The following CCSER1 variants were observed in gnomAD, a reference collection of about 807,000 sequenced individuals.
CCSER1 encodes serine-rich coiled-coil domain-containing protein 1.
Under a neutral mutation model 82.0 loss-of-function variants are expected in CCSER1, and 41 were observed. The ratio of observed to expected loss-of-function variants is 0.50; its 90% CI spans 0.39 to 0.65. CCSER1 has a LOEUF of 0.65. Among genes scored for constraint, CCSER1 ranks in the 30% least tolerant of loss-of-function variants. CCSER1 has a pLI of 0.00. For synonymous variants in CCSER1, 414 were observed against 383.9 expected, an observed-to-expected ratio of 1.08 and a Z score of -0.92; for missense variants, 1,119 against 1,064.2, an observed-to-expected ratio of 1.05 and a Z score of -0.72.
chr4:91,335,141 AT>A (rs1747232781), intron 10 of CCSER1, among the ~76,000 whole-genome samples: 1 of 152,000 alleles, frequency 6.6e-6, no homozygotes, highest in Admixed American at 6.6e-5. Flanking sequence ...CTCTTTATAG[AT>A]TGTTCGTGTT....
chr4:90,766,774 A>G (rs1751306068), intron 7 of CCSER1, among the ~76,000 whole-genome samples: 1 of 152,162 alleles, frequency 6.6e-6, no homozygotes, highest in African/African-American at 2.4e-5. Context: ...CTATATTCAC[A>G]CATTTTGGCA....
At chr4:90,761,760 G>T (rs918976951) in intron 7 of CCSER1, among the ~76,000 whole-genome samples, 1 of 152,072 alleles carries the variant, frequency 6.6e-6, no homozygotes, top group African/African-American at 2.4e-5. Flanking sequence ...TTAAATAACT[G>T]AATTTAAATG....
intron 9 of CCSER1, among the ~76,000 whole-genome samples, chr4:90,958,886 CCTT>C (rs1315987311): frequency 3.9e-5 from 6 of 152,096 alleles, no homozygotes; most frequent in African/African-American, 9.7e-5. Flanking sequence ...CAGATACCAT[CCTT>C]CTTCTGTCTC....
intron 1 of CCSER1, among the ~76,000 whole-genome samples, chr4:90,176,953 A>G (rs1180392525): frequency 6.6e-6 from 1 of 152,118 alleles, no homozygotes; most frequent in African/African-American, 2.4e-5. Flanking sequence ...TACATGAGTT[A>G]GCATTACACT....
chr4:90,228,290 T>G (rs971340370), intron 1 of CCSER1, among the ~76,000 whole-genome samples: 5 of 152,176 alleles, frequency 3.3e-5, no homozygotes, highest in African/African-American at 7.2e-5. Flanking sequence ...ACGGGCAGAC[T>G]GCCTCCTCAA....
chr4:91,284,662 C>T (rs989668819), intron 10 of CCSER1, among the ~76,000 whole-genome samples: 38 of 152,148 alleles, frequency 2.5e-4, no homozygotes, highest in African/African-American at 7.5e-4. Context: ...CACCAGCATC[C>T]GTCAGATAAT....
chr4:90,725,810 A>G (rs1743527851), intron 7 of CCSER1, among the ~76,000 whole-genome samples: 3 of 151,908 alleles, frequency 2.0e-5, no homozygotes, highest in Admixed American at 1.3e-4. Context: ...AAGTTTTCTT[A>G]TAACCACATT....
intron 10 of CCSER1, among the ~76,000 whole-genome samples, chr4:91,567,577 A>G (rs1317383084): frequency 6.6e-6 from 1 of 152,084 alleles, no homozygotes; most frequent in East Asian, 1.9e-4. Flanking sequence ...TTGTGTGCAT[A>G]TATATTTAAT....
chr4:90,591,690 A>G (rs12640453), intron 5 of CCSER1, among the ~76,000 whole-genome samples: 39,163 of 152,040 alleles, frequency 0.26, 5,387 homozygotes, highest in East Asian at 0.55. Flanking sequence ...CTGGGTATAC[A>G]CCCAAAGGGT....
rs111529571 is a variant in CCSER1, at chr4:90,565,713, T to G, written c.1725-62312T>G. Among the ~76,000 whole-genome samples the G allele has an allele frequency of 4.9e-3, 741 of 152,362 alleles. 9 individuals carry two copies. Among genetic ancestry groups the G allele is most frequent in the African/African-American group, 0.017 (709 of 41,582 alleles). ...CCTAACTTGTTGAGAGTTTTTATGG[T>G]GAAAATATTTTGAATTTTATCAAAT... On this transcript the variant is annotated intron_variant, in intron 5 of 10. Transcript: ENST00000509176.
At chr4:91,198,884 G>A (rs1263186485) in intron 10 of CCSER1, among the ~76,000 whole-genome samples, 1 of 152,110 alleles carries the variant, frequency 6.6e-6, no homozygotes, top group Non-Finnish European at 1.5e-5. Flanking sequence ...AGTTGTGAAC[G>A]TGTATTTAAG....
chr4:91,472,444 C>T (rs186529620), intron 10 of CCSER1, among the ~76,000 whole-genome samples: 4 of 152,098 alleles, frequency 2.6e-5, no homozygotes, highest in African/African-American at 4.8e-5. Flanking sequence ...AATAGTAAAC[C>T]CCAATCCTTT....
At chr4:91,283,985 T>C (rs533958509) in intron 10 of CCSER1, among the ~76,000 whole-genome samples, 7 of 152,192 alleles carry the variant, frequency 4.6e-5, no homozygotes, top group African/African-American at 1.7e-4. Flanking sequence ...ACCTATAATA[T>C]GTTTGTAGTA....
At chr4:91,183,083 T>C (rs770633188) in intron 10 of CCSER1, among the ~76,000 whole-genome samples, 1 of 152,232 alleles carries the variant, frequency 6.6e-6, no homozygotes, top group Non-Finnish European at 1.5e-5. Flanking sequence ...AAGAGATGTA[T>C]GAGCCCTAAT....
At chr4:90,403,477 C>T (rs1201435877) in intron 4 of CCSER1, among the ~76,000 whole-genome samples, 5 of 119,414 alleles carry the variant, frequency 4.2e-5, no homozygotes, top group South Asian at 2.6e-4. Context: ...CCAGCCTGGG[C>T]GACAGAGCGA....
intron 5 of CCSER1, among the ~76,000 whole-genome samples, chr4:90,585,146 C>T (rs1781852917): frequency 1.3e-5 from 2 of 151,994 alleles, no homozygotes. Context: ...CATTTGTCAT[C>T]AAGGATATAA....
intron 10 of CCSER1, among the ~76,000 whole-genome samples, chr4:91,413,631 T>G (rs2149375010): frequency 6.6e-6 from 1 of 152,192 alleles, no homozygotes; most frequent in South Asian, 2.1e-4. Flanking sequence ...CCAGAAAGCT[T>G]ATTTAAAGAA....
intron 7 of CCSER1, among the ~76,000 whole-genome samples, chr4:90,770,762 TTC>T (rs1368157706): frequency 2.6e-5 from 4 of 152,156 alleles, no homozygotes; most frequent in African/African-American, 9.7e-5. Flanking sequence ...AGATTTTGTT[TTC>T]TGTCTCACAC....
At chr4:91,141,662 G>A (rs1345795958) in intron 10 of CCSER1, among the ~76,000 whole-genome samples, 2 of 152,086 alleles carry the variant, frequency 1.3e-5, no homozygotes, top group Non-Finnish European at 2.9e-5. Flanking sequence ...TGACTGCTGG[G>A]TTGAGTGGTA....
Sources: allele counts gnomAD v4.1 joint callset (sites outside exome capture counted in the v4.1 genomes callset), GRCh38; gene constraint gnomAD v4.1.1; transcripts MANE v1.5; gene names NCBI Gene and HGNC (gene_info 2026-07-23, HGNC 2026-07-21).